PTH2R: variants seen among roughly 807,000 people sequenced by gnomAD.
PTH2R encodes the protein parathyroid hormone 2 receptor, also known as PTH2 receptor.
In PTH2R, 59 loss-of-function variants were observed where a neutral mutation model predicts 60.3. That is an observed-to-expected ratio of 0.98 (90% CI 0.79 to 1.22). PTH2R has a LOEUF of 1.22. PTH2R is among the 50% of genes most tolerant of loss of function. The pLI, the probability that PTH2R is intolerant of heterozygous loss-of-function variation, is 0.00. For missense variants in PTH2R, 749 were observed against 682.6 expected, an observed-to-expected ratio of 1.10 and a Z score of -1.08; for synonymous variants, 256 against 243.8, an observed-to-expected ratio of 1.05 and a Z score of -0.47.
intron 9 of PTH2R, among the ~76,000 whole-genome samples, chr2:208,465,800 T>C (rs534790617): frequency 6.6e-6 from 1 of 152,206 alleles, no homozygotes; most frequent in South Asian, 2.1e-4. Flanking sequence ...GCATGTAGGA[T>C]TTCTGAGAAA....
chr2:208,478,432 C>T (rs1196233127), intron 9 of PTH2R, among the ~76,000 whole-genome samples: 1 of 152,100 alleles, frequency 6.6e-6, no homozygotes, highest in Non-Finnish European at 1.5e-5. Flanking sequence ...TCCCTTCCTC[C>T]ATCATCAAAG....
chr2:208,480,993 A>C (rs1429575590), intron 9 of PTH2R, 77 bp from the exon 10 acceptor site: 2 of 1,106,660 alleles, frequency 1.8e-6, no homozygotes, highest in South Asian at 1.5e-5. Flanking sequence ...GAATGGAAAA[A>C]ATTTCAATTT....
intron 1 of PTH2R, among the ~76,000 whole-genome samples, chr2:208,367,198 A>G (rs983848950): frequency 2.6e-5 from 4 of 151,592 alleles, no homozygotes; most frequent in African/African-American, 9.7e-5. Context: ...GGTTCAAGCG[A>G]TTCTCCTGCC....
chr2:208,401,086 A>G (rs1701299837), intron 1 of PTH2R, among the ~76,000 whole-genome samples: 2 of 152,240 alleles, frequency 1.3e-5, no homozygotes, highest in African/African-American at 4.8e-5. Flanking sequence ...GGAGGTATAC[A>G]ATAGGATTAT....
At chr2:208,433,773 T>G (rs1702018955) in intron 2 of PTH2R, among the ~76,000 whole-genome samples, 1 of 152,234 alleles carries the variant, frequency 6.6e-6, no homozygotes, top group Non-Finnish European at 1.5e-5. Flanking sequence ...GTGGTCACAT[T>G]TCGTTTGAAA....
At chr2:208,479,883 A>G (rs528552774) in intron 9 of PTH2R, among the ~76,000 whole-genome samples, 1 of 152,220 alleles carries the variant, frequency 6.6e-6, no homozygotes, top group South Asian at 2.1e-4. Context: ...CTCCATGTTC[A>G]TGTAAGGTTT....
At chr2:208,474,302 G>A (rs974360944) in intron 9 of PTH2R, among the ~76,000 whole-genome samples, 1 of 152,120 alleles carries the variant, frequency 6.6e-6, no homozygotes, top group African/African-American at 2.4e-5. Flanking sequence ...TAGTGGTAGC[G>A]TGGTAATAGT....
intron 1 of PTH2R, among the ~76,000 whole-genome samples, chr2:208,423,832 A>G (rs1430003396): frequency 6.6e-6 from 1 of 152,022 alleles, no homozygotes; most frequent in African/African-American, 2.4e-5. Context: ...CCCTTGTATT[A>G]TGATATAATG....
intron 7 of PTH2R, 104 bp downstream of exon 7, chr2:208,444,991 C>A: frequency 8.5e-7 from 1 of 1,173,270 alleles, no homozygotes; most frequent in Non-Finnish European, 1.2e-6. Flanking sequence ...CTGAAACAAT[C>A]CCTCCCATTC....
chr2:208,472,583 T>G (rs1328056996), intron 9 of PTH2R, among the ~76,000 whole-genome samples: 1 of 152,200 alleles, frequency 6.6e-6, no homozygotes, highest in African/African-American at 2.4e-5. Flanking sequence ...TTCCACCACG[T>G]GAGATGTGCC....
chr2:208,461,161 A>C (rs1702626763), intron 9 of PTH2R, among the ~76,000 whole-genome samples: 1 of 152,168 alleles, frequency 6.6e-6, no homozygotes, highest in South Asian at 2.1e-4. Flanking sequence ...CTATTAACAA[A>C]TTGGTCCCAA....
At chr2:208,403,174 T>C (rs1380379570), upstream of PTH2R, among the ~76,000 whole-genome samples, 1 of 152,262 alleles carries the variant, frequency 6.6e-6, no homozygotes, top group African/African-American at 2.4e-5. Flanking sequence ...GCCAGCAAAT[T>C]ATAGCCATTT....
chr2:208,467,191 A>T, intron 9 of PTH2R, among the ~76,000 whole-genome samples: 1 of 152,158 alleles, frequency 6.6e-6, no homozygotes, highest in Admixed American at 6.5e-5. Context: ...CATTTTAAAA[A>T]GTTAAAAAAA....
intron 1 of PTH2R, among the ~76,000 whole-genome samples, chr2:208,418,167 A>G (rs1238893742): frequency 6.6e-6 from 1 of 152,148 alleles, no homozygotes; most frequent in Non-Finnish European, 1.5e-5. Context: ...TAAAATAACT[A>G]GAAATGAATA....
intron 9 of PTH2R, among the ~76,000 whole-genome samples, chr2:208,471,496 C>A (rs1224251446): frequency 6.6e-6 from 1 of 152,232 alleles, no homozygotes; most frequent in Non-Finnish European, 1.5e-5. Flanking sequence ...GTGCAAGCCC[C>A]AAGCCTTGGC....
chr2:208,365,940 ATATATATATATATATATATATTTTTT>A (rs1407410397), intron 1 of PTH2R, among the ~76,000 whole-genome samples: 475 of 13,470 alleles, frequency 0.035, 16 homozygotes, highest in African/African-American at 0.1. Context: ...ATATATATAT[ATATATATATATATATATATATTTTTT>A]TTTTTTTTTT....
intron 12 of PTH2R, among the ~76,000 whole-genome samples, chr2:208,492,445 G>T (rs1574921314): frequency 6.6e-6 from 1 of 152,176 alleles, no homozygotes; most frequent in East Asian, 1.9e-4. Context: ...GAGGTGGAGT[G>T]TAAGGGCTCA....
At chr2:208,411,767 A>G (rs957122311) in intron 1 of PTH2R, among the ~76,000 whole-genome samples, 3 of 151,874 alleles carry the variant, frequency 2.0e-5, no homozygotes, top group South Asian at 4.2e-4. Flanking sequence ...CGTTAATTTC[A>G]TCTCTTGGTT....
chr2:208,477,313 G>A (rs553533903), intron 9 of PTH2R, among the ~76,000 whole-genome samples: 68 of 152,230 alleles, frequency 4.5e-4, no homozygotes, highest in African/African-American at 1.5e-3. Flanking sequence ...TAGGAAGGGC[G>A]AATGAGTGGA....
Sources: gnomAD v4.1 joint callset for allele counts (sites outside exome capture counted in the v4.1 genomes callset) on GRCh38, gnomAD v4.1.1 for gene constraint, MANE v1.5 for transcripts, NCBI Gene and HGNC (gene_info 2026-07-23, HGNC 2026-07-21) for gene names.